Variants in GRAP2 observed in about 807,000 individuals in gnomAD.
GRAP2 encodes GRB2 related adaptor protein 2.
In GRAP2, 31 loss-of-function variants were observed where a neutral mutation model predicts 43.5. The ratio of observed to expected loss-of-function variants is 0.71; its 90% CI spans 0.54 to 0.96. GRAP2 has a LOEUF of 0.96. GRAP2 is among the 40% of genes least tolerant of loss of function. The probability of loss-of-function intolerance (pLI) is 0.00; values close to 1 mark genes in which losing one functional copy is unlikely to be tolerated. For synonymous variants in GRAP2, 156 were observed against 164.8 expected, an observed-to-expected ratio of 0.95 and a Z score of 0.41; for missense variants, 371 against 424.4, an observed-to-expected ratio of 0.87 and a Z score of 1.11.
intron 2 of GRAP2, among the ~76,000 whole-genome samples, chr22:39,952,111 C>G (rs886238146): frequency 6.6e-6 from 1 of 151,266 alleles, no homozygotes; most frequent in Admixed American, 6.6e-5. Flanking sequence ...ACTGCAACCT[C>G]CGCCTCCTGG....
At chr22:39,919,605 T>C (rs908555438) in intron 1 of GRAP2, among the ~76,000 whole-genome samples, 1 of 152,212 alleles carries the variant, frequency 6.6e-6, no homozygotes, top group Non-Finnish European at 1.5e-5. Context: ...TTTTGAAATA[T>C]TGCTCAATAG....
intron 1 of GRAP2, among the ~76,000 whole-genome samples, chr22:39,928,369 G>C (rs904945172): frequency 6.6e-6 from 1 of 152,186 alleles, no homozygotes; most frequent in African/African-American, 2.4e-5. Flanking sequence ...GGCAGAGGCA[G>C]ATGGATAGCC....
the GRAP2 span, among the ~76,000 whole-genome samples, chr22:39,895,125 C>T: frequency 6.6e-6 from 1 of 152,140 alleles, no homozygotes; most frequent in South Asian, 2.1e-4. Flanking sequence ...GAAGTTGGAT[C>T]ATGAAGAACC....
Position 39,927,745 on chromosome 22 carries a change from T to TCC in GRAP2, c.-14-19344_-14-19343dup, listed in dbSNP as rs553533208. On this transcript the variant is annotated intron_variant, in intron 1 of 7. Transcript: ENST00000344138. ...AGTTCATTTCGGCTCTTTTCCACCA[T>TCC]CCCCCGTGTGCTGCCCTGTCTCACC... Among the ~76,000 whole-genome samples, 1,230 of 152,072 alleles carry TCC rather than the reference T, an allele frequency of 8.1e-3. 9 individuals are homozygous for TCC. Among genetic ancestry groups the TCC allele is most frequent in the African/African-American group, 0.028 (1,171 of 41,456 alleles).
At position 39,947,151 on chromosome 22, in the gene GRAP2, T is replaced by A; in HGVS notation, c.45T>A (p.Asp15Glu). 4 of 1,604,580 alleles carry A rather than the reference T, an allele frequency of 2.5e-6. No homozygotes were observed. The highest frequency in any genetic ancestry group is 2.6e-6 in the Non-Finnish European group (3 of 1,171,268). ...TTGATTTCACTGCTTCAGGTGAGGATGAACTGAGCTTTCACACTGGAGATG... is the reference window on the plus strand; with the variant it reads ...TTGATTTCACTGCTTCAGGTGAGGAAGAACTGAGCTTTCACACTGGAGATG... ...AKFDFTASGE[D>E]ELSFHTGDVL... Residue 15 changes from aspartate (D) to glutamate (E), a missense_variant, in exon 2 of 8, where the codon GAT becomes GAA. Coordinates refer to ENST00000344138, the MANE Select transcript of GRAP2 (RefSeq NM_004810.4).
At chr22:39,960,408 C>A in intron 4 of GRAP2, 1 of 475,274 alleles carries the variant, frequency 2.1e-6, no homozygotes, top group East Asian at 3.3e-5. Context: ...GCCCATCTGC[C>A]TCCCCTTCTA....
At chr22:39,929,140 T>C (rs567318751) in intron 1 of GRAP2, among the ~76,000 whole-genome samples, 1 of 152,354 alleles carries the variant, frequency 6.6e-6, no homozygotes, top group East Asian at 1.9e-4. Flanking sequence ...TTAATGGTAT[T>C]GTAGCAATAT....
At chr22:39,920,460 C>T (rs916258383) in intron 1 of GRAP2, among the ~76,000 whole-genome samples, 1 of 152,232 alleles carries the variant, frequency 6.6e-6, no homozygotes, top group East Asian at 1.9e-4. Context: ...TCCTGCTGGG[C>T]TGCCTGGTTC....
chr22:39,949,465 G>A (rs1402959638), intron 2 of GRAP2, among the ~76,000 whole-genome samples: 3 of 152,214 alleles, frequency 2.0e-5, no homozygotes, highest in Non-Finnish European at 2.9e-5. Context: ...GACCAATCCA[G>A]GACCTGGACA....
chr22:39,942,623 CAAAA>C (rs71761183), intron 1 of GRAP2, among the ~76,000 whole-genome samples: 1 of 120,966 alleles, frequency 8.3e-6, no homozygotes, highest in African/African-American at 3.0e-5. Context: ...CGATCTCTAC[CAAAA>C]AAAAAAAAAA....
chr22:39,959,515 A>C (rs1392325969), intron 3 of GRAP2, among the ~76,000 whole-genome samples: 2 of 152,092 alleles, frequency 1.3e-5, no homozygotes, highest in Non-Finnish European at 2.9e-5. Context: ...CTTGTGCTCC[A>C]TGCCAGCCTA....
intron 5 of GRAP2, 56 bp from the exon 6 acceptor site, chr22:39,967,986 G>C: frequency 1.3e-6 from 2 of 1,574,474 alleles, no homozygotes; most frequent in South Asian, 1.2e-5. Context: ...GGGTAGGGTA[G>C]GGCCAGACGA....
At chr22:39,961,285 G>C (rs1379813213) in intron 4 of GRAP2, among the ~76,000 whole-genome samples, 1 of 151,886 alleles carries the variant, frequency 6.6e-6, no homozygotes, top group South Asian at 2.1e-4. Context: ...ACTCACTCAG[G>C]GGGAGAAAGA....
chr22:39,956,213 G>A (rs183418001), intron 3 of GRAP2, among the ~76,000 whole-genome samples: 157 of 147,600 alleles, frequency 1.1e-3, no homozygotes, highest in South Asian at 2.2e-3. Flanking sequence ...GCTGGAGTGC[G>A]GTGACTCCAT....
intron 3 of GRAP2, among the ~76,000 whole-genome samples, chr22:39,958,849 G>T (rs1011178355): frequency 1.3e-5 from 2 of 152,154 alleles, no homozygotes; most frequent in Admixed American, 6.5e-5. Context: ...CAAATACTCA[G>T]GCAGAATCTC....
At chr22:39,935,515 A>C (rs1028250337) in intron 1 of GRAP2, among the ~76,000 whole-genome samples, 3 of 152,260 alleles carry the variant, frequency 2.0e-5, no homozygotes, top group Admixed American at 6.5e-5. Flanking sequence ...AAAATTTCCC[A>C]AAAATAAGAA....
intron 1 of GRAP2, among the ~76,000 whole-genome samples, chr22:39,942,436 T>C (rs952665987): frequency 6.6e-6 from 1 of 152,136 alleles, no homozygotes; most frequent in African/African-American, 2.4e-5. Context: ...TCCTAAAGTG[T>C]AAACTACTCT....
At chr22:39,913,387 G>A (rs1208342767) in intron 1 of GRAP2, among the ~76,000 whole-genome samples, 1 of 152,104 alleles carries the variant, frequency 6.6e-6, no homozygotes, top group East Asian at 1.9e-4. Context: ...ATTAGCATAG[G>A]AGTACACAGG....
intron 6 of GRAP2, among the ~76,000 whole-genome samples, chr22:39,969,127 C>G (rs990790375): frequency 1.3e-5 from 2 of 152,248 alleles, no homozygotes; most frequent in African/African-American, 4.8e-5. Flanking sequence ...GAGACCTTCT[C>G]TTTCCAGCTA....
Sources: allele counts gnomAD v4.1 joint callset (sites outside exome capture counted in the v4.1 genomes callset), GRCh38; gene constraint gnomAD v4.1.1; transcripts MANE v1.5; gene names NCBI Gene and HGNC (gene_info 2026-07-23, HGNC 2026-07-21).